The following CDYL2 variants were observed in gnomAD, a reference collection of about 807,000 sequenced individuals.
CDYL2 encodes the protein chromodomain Y like 2, also known as chromodomain Y-like protein 2.
A neutral mutation model predicts 49.4 loss-of-function variants in CDYL2; 23 were observed. That is an observed-to-expected ratio of 0.47 (90% CI 0.34 to 0.66). The LOEUF (loss-of-function observed/expected upper bound fraction) is 0.66. Among genes scored for constraint, CDYL2 ranks in the 30% least tolerant of loss-of-function variants. The pLI is 0.01. For missense variants in CDYL2, 678 were observed against 656.4 expected (o/e 1.03, Z -0.36); for synonymous variants, 360 against 268.8 (o/e 1.34, Z -3.32).
chr16:80,697,702 C>A (rs924594094), intron 1 of CDYL2, among the ~76,000 whole-genome samples: 7 of 152,100 alleles, frequency 4.6e-5, no homozygotes, highest in African/African-American at 1.7e-4. Flanking sequence ...CCTCTTAGAA[C>A]TGATGATTCA....
chr16:80,789,986 C>A (rs1303913404), intron 1 of CDYL2, among the ~76,000 whole-genome samples: 2 of 152,158 alleles, frequency 1.3e-5, no homozygotes, highest in African/African-American at 4.8e-5. Context: ...ACTAGAAACG[C>A]AGCCCCCACC....
intron 1 of CDYL2, among the ~76,000 whole-genome samples, chr16:80,705,298 G>C (rs866544936): frequency 6.6e-6 from 1 of 152,224 alleles, no homozygotes; most frequent in Non-Finnish European, 1.5e-5. Context: ...CTGGGAAAGC[G>C]GGCAGGGAGA....
At chr16:80,783,640 G>T (rs1028413389) in intron 1 of CDYL2, among the ~76,000 whole-genome samples, 1 of 152,114 alleles carries the variant, frequency 6.6e-6, no homozygotes, top group South Asian at 2.1e-4. Context: ...AAAATACCAC[G>T]AAATATTATT....
chr16:80,629,952 C>A (rs994755194), intron 3 of CDYL2, among the ~76,000 whole-genome samples: 2 of 152,142 alleles, frequency 1.3e-5, no homozygotes, highest in South Asian at 2.1e-4. Context: ...ATCTTGCCAG[C>A]AAAATACTGT....
intron 2 of CDYL2, among the ~76,000 whole-genome samples, chr16:80,668,131 G>C (rs1047006180): frequency 6.6e-6 from 1 of 152,236 alleles, no homozygotes; most frequent in Admixed American, 6.5e-5. Flanking sequence ...CATCACAGAG[G>C]AACAGTTAAG....
intron 2 of CDYL2, among the ~76,000 whole-genome samples, chr16:80,682,901 C>T (rs1359674137): frequency 6.6e-6 from 1 of 152,168 alleles, no homozygotes; most frequent in East Asian, 1.9e-4. Flanking sequence ...GTCAGGGATC[C>T]CGAGACGGAA....
chr16:80,707,334 CGT>C (rs1904439245), intron 1 of CDYL2, among the ~76,000 whole-genome samples: 1 of 151,826 alleles, frequency 6.6e-6, no homozygotes, highest in Non-Finnish European at 1.5e-5. Flanking sequence ...CTGGGGCTGG[CGT>C]GTGTCTGTCC....
intron 1 of CDYL2, among the ~76,000 whole-genome samples, chr16:80,742,468 G>C (rs1905773911): frequency 6.6e-6 from 1 of 151,284 alleles, no homozygotes; most frequent in Non-Finnish European, 1.5e-5. Context: ...ATGCATGGAT[G>C]GATGGATGGA....
intron 1 of CDYL2, among the ~76,000 whole-genome samples, chr16:80,780,699 C>G (rs1023653012): frequency 6.6e-6 from 1 of 152,044 alleles, no homozygotes; most frequent in Non-Finnish European, 1.5e-5. Context: ...CCACCGCGCC[C>G]GGCCCAGATG....
intron 1 of CDYL2, among the ~76,000 whole-genome samples, chr16:80,734,432 G>C (rs180871399): frequency 6.6e-6 from 1 of 152,284 alleles, no homozygotes; most frequent in East Asian, 1.9e-4. Context: ...CAACACTAAA[G>C]ACTAATGCAT....
chr16:80,760,402 A>G (rs891895360), intron 1 of CDYL2, among the ~76,000 whole-genome samples: 6 of 152,204 alleles, frequency 3.9e-5, no homozygotes, highest in Admixed American at 2.6e-4. Context: ...GAATGAATGA[A>G]TAAGACCTAC....
At chr16:80,721,365 C>T (rs1032006102) in intron 1 of CDYL2, among the ~76,000 whole-genome samples, 29 of 152,182 alleles carry the variant, frequency 1.9e-4, no homozygotes, top group Admixed American at 6.5e-4. Flanking sequence ...AGCAAACACA[C>T]GCTGGGGCCT....
intron 1 of CDYL2, among the ~76,000 whole-genome samples, chr16:80,770,852 G>C (rs1028202698): frequency 6.6e-6 from 1 of 152,134 alleles, no homozygotes; most frequent in Non-Finnish European, 1.5e-5. Context: ...AATAGAGGAA[G>C]AGAAGAAATT....
Position 80,684,978 on chromosome 16 carries a change from T to C in CDYL2, c.176A>G (p.His59Arg). The change falls in exon 2 of 7, where the codon CAC becomes CGC. Residue 59 changes from histidine (H) to arginine (R), a missense_variant. This residue lies in a region of CDYL2 where 478 missense variants were observed against 427.0 expected (regional missense o/e 1.12). Transcript: ENST00000570137. ...EEFIDEFNGLHMSKDKRIKSG... is the reference protein window; with the variant it reads ...EEFIDEFNGLRMSKDKRIKSG... ...CTTGATCCTCTTGTCCTTGGACATG[T>C]GCAACCCATTGAATTCATCAATAAA... 6.2e-7 allele frequency: 1 copy of C among 1,614,194 alleles called. No individual in the cohort carries two copies. The highest frequency in any genetic ancestry group is 1.1e-5 in the South Asian group (1 of 91,074).
At chr16:80,725,047 C>T (rs762804922) in intron 1 of CDYL2, among the ~76,000 whole-genome samples, 1 of 152,206 alleles carries the variant, frequency 6.6e-6, no homozygotes, top group South Asian at 2.1e-4. Context: ...TCCTGGACCA[C>T]ACTTCAACTG....
intron 2 of CDYL2, among the ~76,000 whole-genome samples, chr16:80,642,775 A>G (rs141183393): frequency 0.021 from 3,162 of 152,242 alleles, 108 homozygotes; most frequent in African/African-American, 0.072. Flanking sequence ...CTACTATGAG[A>G]ACAGTATAGG....
chr16:80,791,882 G>A (rs1454388833), intron 1 of CDYL2, among the ~76,000 whole-genome samples: 1 of 152,188 alleles, frequency 6.6e-6, no homozygotes, highest in Non-Finnish European at 1.5e-5. Context: ...AGAGAAAAAT[G>A]GAAGTAGGAA....
intron 2 of CDYL2, among the ~76,000 whole-genome samples, chr16:80,677,080 C>T (rs950542655): frequency 1.3e-5 from 2 of 151,420 alleles, no homozygotes; most frequent in African/African-American, 4.9e-5. Flanking sequence ...AAGTGATCCT[C>T]CCACCTCAGC....
intron 1 of CDYL2, among the ~76,000 whole-genome samples, chr16:80,767,959 G>A (rs1906782354): frequency 1.3e-5 from 2 of 152,188 alleles, no homozygotes; most frequent in African/African-American, 4.8e-5. Flanking sequence ...ATGCAGGGCT[G>A]TATGAATACT....
Sources: allele counts gnomAD v4.1 joint callset (sites outside exome capture counted in the v4.1 genomes callset), GRCh38; gene constraint gnomAD v4.1.1; regional missense constraint gnomAD v4.1.1; transcripts MANE v1.5; gene names NCBI Gene and HGNC (gene_info 2026-07-23, HGNC 2026-07-21).